Variants in GHR observed in about 807,000 individuals in gnomAD.
The protein encoded by GHR is GH receptor.
In GHR, 35 loss-of-function variants were observed where a neutral mutation model predicts 67.1. That is an observed-to-expected ratio of 0.52 (90% CI 0.40 to 0.69). The LOEUF is 0.69. GHR is among the 30% of genes least tolerant of loss of function. The probability of loss-of-function intolerance (pLI) is 0.00; values close to 1 mark genes in which losing one functional copy is unlikely to be tolerated. For missense variants in GHR, 792 were observed against 764.6 expected (o/e 1.04, Z -0.42); for synonymous variants, 272 against 269.1 (o/e 1.01, Z -0.10).
intron 3 of GHR, among the ~76,000 whole-genome samples, chr5:42,661,159 A>G (rs568833200): frequency 1.2e-4 from 18 of 152,362 alleles, no homozygotes; most frequent in African/African-American, 4.1e-4. Flanking sequence ...GGGAGAATGG[A>G]ACCAAGTTGG....
intron 1 of GHR, among the ~76,000 whole-genome samples, chr5:42,427,028 T>G (rs1742882751): frequency 6.6e-6 from 1 of 152,258 alleles, no homozygotes; most frequent in African/African-American, 2.4e-5. Flanking sequence ...CTTCAGCAGC[T>G]GACCACAATG....
At chr5:42,670,882 T>A (rs1467480739) in intron 3 of GHR, among the ~76,000 whole-genome samples, 106 of 128,078 alleles carry the variant, frequency 8.3e-4, no homozygotes, top group African/African-American at 1.3e-3. Context: ...AAAAAAAAAA[T>A]ATATATATAT....
intron 6 of GHR, among the ~76,000 whole-genome samples, chr5:42,703,061 T>A (rs900513530): frequency 1.3e-5 from 2 of 152,138 alleles, no homozygotes; most frequent in Admixed American, 6.6e-5. Flanking sequence ...TTTAGTTTCA[T>A]GTAATCCCGT....
intron 9 of GHR, 52 bp downstream of exon 9, chr5:42,718,173 A>G (rs764038071): frequency 2.2e-6 from 2 of 916,316 alleles, no homozygotes; most frequent in Middle Eastern, 2.1e-4. Context: ...ACACCTGAAG[A>G]CTCCTGTCAT....
chr5:42,527,194 A>G (rs894572487), intron 1 of GHR, among the ~76,000 whole-genome samples: 1 of 152,174 alleles, frequency 6.6e-6, no homozygotes, highest in Admixed American at 6.5e-5. Flanking sequence ...CCAGCTAACA[A>G]CACAATGACA....
At chr5:42,478,186 A>T (rs1256254924) in intron 1 of GHR, among the ~76,000 whole-genome samples, 1 of 152,174 alleles carries the variant, frequency 6.6e-6, no homozygotes. Flanking sequence ...CAAAGATCAG[A>T]TAGTTGTAGA....
intron 3 of GHR, among the ~76,000 whole-genome samples, chr5:42,659,634 T>C (rs183829336): frequency 1.4e-4 from 21 of 152,290 alleles, no homozygotes; most frequent in Admixed American, 1.2e-3. Context: ...TTCTCTTCGA[T>C]GGCCAAATAG....
chr5:42,440,703 T>C (rs543608393), intron 1 of GHR, among the ~76,000 whole-genome samples: 1 of 152,282 alleles, frequency 6.6e-6, no homozygotes, highest in East Asian at 1.9e-4. Flanking sequence ...GGGAGCTGGT[T>C]TATGAGTCTG....
chr5:42,531,452 C>T (rs566211957), intron 1 of GHR, among the ~76,000 whole-genome samples: 2 of 150,328 alleles, frequency 1.3e-5, no homozygotes, highest in African/African-American at 4.9e-5. Flanking sequence ...GGCAGGTTAG[C>T]AGTTAGGAAC....
chr5:42,612,188 T>G (rs1223051406), intron 2 of GHR, among the ~76,000 whole-genome samples: 1 of 152,148 alleles, frequency 6.6e-6, no homozygotes, highest in Non-Finnish European at 1.5e-5. Context: ...GACATTTGTC[T>G]GAATTATAGA....
At chr5:42,468,697 T>A in intron 1 of GHR, 1 of 982,066 alleles carries the variant, frequency 1.0e-6, no homozygotes, top group Non-Finnish European at 1.6e-6. Context: ...TTGGTCTGGG[T>A]CGCAGCCTGA....
At chr5:42,567,392 C>CT (rs1415089190) in intron 2 of GHR, among the ~76,000 whole-genome samples, 3 of 152,176 alleles carry the variant, frequency 2.0e-5, no homozygotes, top group Non-Finnish European at 2.9e-5. Context: ...TTTACTAAAA[C>CT]TTTGAGTTCC....
intron 1 of GHR, among the ~76,000 whole-genome samples, chr5:42,505,126 T>TG (rs1156899280): frequency 1.3e-5 from 2 of 151,620 alleles, no homozygotes; most frequent in Non-Finnish European, 1.5e-5. Context: ...TTGACTGTTT[T>TG]TTTTTTTTTT....
intron 1 of GHR, chr5:42,465,873 C>T (rs774723889): frequency 9.6e-6 from 7 of 727,554 alleles, no homozygotes; most frequent in African/African-American, 3.5e-5. Context: ...AATTCGCCTC[C>T]TTCACCCCTT....
intron 1 of GHR, among the ~76,000 whole-genome samples, chr5:42,455,206 C>T (rs974578883): frequency 2.0e-5 from 3 of 152,166 alleles, no homozygotes; most frequent in Admixed American, 2.0e-4. Context: ...GGTTTTCCCC[C>T]ATTCACACTT....
At chr5:42,433,877 G>A (rs1023960051) in intron 1 of GHR, among the ~76,000 whole-genome samples, 3 of 151,494 alleles carry the variant, frequency 2.0e-5, no homozygotes, top group African/African-American at 7.3e-5. Flanking sequence ...ACCAGGCTGT[G>A]GATTTGTTAT....
intron 2 of GHR, among the ~76,000 whole-genome samples, chr5:42,614,011 C>T (rs894583727): frequency 1.3e-5 from 2 of 152,138 alleles, no homozygotes; most frequent in Admixed American, 6.6e-5. Flanking sequence ...CTGTAGTAAG[C>T]GGTCTGTAAA....
intron 1 of GHR, chr5:42,467,830 C>G: frequency 1.7e-6 from 2 of 1,197,110 alleles, no homozygotes; most frequent in Non-Finnish European, 1.2e-6. Context: ...GCTGGGTTTT[C>G]GGATTGTTAA....
chr5:42,705,031 A>G (rs1409443397), intron 6 of GHR, among the ~76,000 whole-genome samples: 1 of 152,138 alleles, frequency 6.6e-6, no homozygotes, highest in Non-Finnish European at 1.5e-5. Context: ...ATCATTCTCC[A>G]TGATCAAGTA....
Sources: gnomAD v4.1 joint callset for allele counts (sites outside exome capture counted in the v4.1 genomes callset) on GRCh38, gnomAD v4.1.1 for gene constraint, MANE v1.5 for transcripts, NCBI Gene and HGNC (gene_info 2026-07-23, HGNC 2026-07-21) for gene names.